The following POF1B variants were observed in gnomAD, a reference collection of about 807,000 sequenced individuals.
POF1B encodes POF1B actin binding protein.
A neutral mutation model predicts 55.3 loss-of-function variants in POF1B; 53 were observed. That is an observed-to-expected ratio of 0.96 (90% confidence interval 0.77 to 1.20). POF1B has a LOEUF of 1.20. Among genes scored for constraint, POF1B ranks in the 50% most tolerant of loss-of-function variants. The pLI, the probability that POF1B is intolerant of heterozygous loss-of-function variation, is 0.00. For missense variants in POF1B, 478 were observed against 420.5 expected, an observed-to-expected ratio of 1.14 and a Z score of -1.20; for synonymous variants, 188 against 148.3, an observed-to-expected ratio of 1.27 and a Z score of -1.95.
chrX:85,297,665 T>G, intron 15 of POF1B, among the ~76,000 whole-genome samples: 1 of 106,010 alleles, frequency 9.4e-6, no homozygotes, highest in Non-Finnish European at 2.0e-5. Context: ...ACATTTGCAG[T>G]GGTACTCTGT....
In POF1B at chrX:85,299,513, C is replaced by T. The variant is rs1056199031; in HGVS notation, c.1649+3893G>A. On this transcript the variant is annotated intron_variant, in intron 15 of 16. Coordinates refer to ENST00000262753, the MANE Select transcript of POF1B (RefSeq NM_024921.4). ...CCGTGTTAGCCAGGATGGTCTCGAT[C>T]TCCTGACCTCGTGATCCGCCCGCCT... 3.8e-5 allele frequency among the ~76,000 whole-genome samples: 4 copies of T among 104,274 alleles called. 1 individual carries two copies. Among genetic ancestry groups the T allele is most frequent in the Non-Finnish European group, 7.8e-5 (4 of 51,372 alleles). 90.5% of individuals were successfully genotyped at this position (104,274 alleles called of 115,157 possible).
chrX:85,295,953 T>C (rs1439563761), intron 15 of POF1B, among the ~76,000 whole-genome samples: 1 of 112,770 alleles, frequency 8.9e-6, no homozygotes, highest in Non-Finnish European at 1.9e-5. Flanking sequence ...ACAGTTAAGT[T>C]TTCTTGTTGA....
chrX:85,350,845 T>C (rs1384792244), intron 5 of POF1B, among the ~76,000 whole-genome samples: 1 of 111,578 alleles, frequency 9.0e-6, no homozygotes, highest in Non-Finnish European at 1.9e-5. Flanking sequence ...CAACAGGTGC[T>C]GCAGTTTTAT....
At chrX:85,295,612 T>G in intron 15 of POF1B, among the ~76,000 whole-genome samples, 1 of 111,888 alleles carries the variant, frequency 8.9e-6, no homozygotes, top group Admixed American at 9.5e-5. Flanking sequence ...TTTTGATTTT[T>G]TAAAATTTAT....
chrX:85,311,422 C>T (rs1009709461), intron 9 of POF1B, among the ~76,000 whole-genome samples: 9 of 110,157 alleles, frequency 8.2e-5, no homozygotes, highest in Non-Finnish European at 1.7e-4. Flanking sequence ...TCAACTCCCA[C>T]TTATGAGTGA....
chrX:85,321,119 G>A (rs2147916874), intron 7 of POF1B, among the ~76,000 whole-genome samples: 1 of 111,447 alleles, frequency 9.0e-6, no homozygotes, highest in Admixed American at 9.5e-5. Context: ...TGATACCAAA[G>A]CCGGGAAGAG....
intron 5 of POF1B, among the ~76,000 whole-genome samples, chrX:85,347,196 A>G (rs745925726): frequency 2.7e-5 from 3 of 111,342 alleles, no homozygotes; most frequent in African/African-American, 9.7e-5. Context: ...CCTGTTTTCA[A>G]AAGAAACATA....
intron 7 of POF1B, among the ~76,000 whole-genome samples, chrX:85,327,310 T>C (rs774790665): frequency 1.4e-4 from 16 of 111,402 alleles, no homozygotes; most frequent in Non-Finnish European, 3.0e-4. Context: ...GATTCTTCCC[T>C]CTTCAGCCCC....
At chrX:85,286,167 A>G (rs1044941219) in intron 15 of POF1B, among the ~76,000 whole-genome samples, 2 of 111,400 alleles carry the variant, frequency 1.8e-5, no homozygotes, top group Non-Finnish European at 3.8e-5. Context: ...AAATAGTAGA[A>G]GTCATATTAG....
At chrX:85,323,606 T>C (rs1258133836) in intron 7 of POF1B, among the ~76,000 whole-genome samples, 1 of 105,396 alleles carries the variant, frequency 9.5e-6, no homozygotes, top group Non-Finnish European at 2.0e-5. Flanking sequence ...AATAATAAAA[T>C]AAAAAATAAA....
At chrX:85,352,307 A>T in intron 4 of POF1B, among the ~76,000 whole-genome samples, 1 of 111,213 alleles carries the variant, frequency 9.0e-6, no homozygotes, top group Non-Finnish European at 1.9e-5. Flanking sequence ...ATTTGCATTC[A>T]TTTATTTTGT....
chrX:85,332,919 C>A (rs1933004514), intron 6 of POF1B, among the ~76,000 whole-genome samples: 1 of 110,334 alleles, frequency 9.1e-6, no homozygotes, highest in African/African-American at 3.3e-5. Flanking sequence ...GATGGGTAAA[C>A]CTGTAAAGTC....
At chrX:85,318,673 T>G (rs779336304) in intron 7 of POF1B, among the ~76,000 whole-genome samples, 1 of 111,654 alleles carries the variant, frequency 9.0e-6, no homozygotes, top group Non-Finnish European at 1.9e-5. Context: ...AAAGGTCAGA[T>G]AGTTGTAGGT....
chrX:85,349,932 C>A (rs1933345733), intron 5 of POF1B, among the ~76,000 whole-genome samples: 1 of 110,955 alleles, frequency 9.0e-6, no homozygotes, highest in Non-Finnish European at 1.9e-5. Context: ...CTTATATGAA[C>A]TGAGAAGAGC....
intron 6 of POF1B, among the ~76,000 whole-genome samples, chrX:85,340,197 G>A (rs900607717): frequency 2.7e-5 from 3 of 111,063 alleles, no homozygotes; most frequent in African/African-American, 6.5e-5. Context: ...CAGAAAGACC[G>A]AGACAATCTG....
At chrX:85,281,989 A>G in intron 16 of POF1B, 1 of 302,152 alleles carries the variant, frequency 3.3e-6, no homozygotes, top group Non-Finnish European at 5.3e-6. Context: ...GGCAAAAATT[A>G]TATTTATATT....
intron 11 of POF1B, 73 bp from the exon 12 acceptor site, chrX:85,306,406 C>CA: frequency 3.0e-6 from 3 of 1,007,537 alleles, no homozygotes; most frequent in South Asian, 2.2e-5. Flanking sequence ...TTTATTGATT[C>CA]ATTCAATTGA....
chrX:85,292,467 A>C (rs1932213362), intron 15 of POF1B, among the ~76,000 whole-genome samples: 1 of 111,576 alleles, frequency 9.0e-6, no homozygotes, highest in South Asian at 3.7e-4. Context: ...GCTAGGGAGG[A>C]GTCCCTCTTC....
intron 6 of POF1B, 97 bp from the exon 7 acceptor site, chrX:85,331,176 T>C: frequency 1.1e-6 from 1 of 895,736 alleles, no homozygotes; most frequent in African/African-American, 2.0e-5. Flanking sequence ...CCTACTAAAG[T>C]CATCACATAA....
Sources: allele counts gnomAD v4.1 joint callset (sites outside exome capture counted in the v4.1 genomes callset), GRCh38; gene constraint gnomAD v4.1.1; transcripts MANE v1.5; gene names NCBI Gene and HGNC (gene_info 2026-07-23, HGNC 2026-07-21).